The following CCSER1 variants were observed in gnomAD, a reference collection of about 807,000 sequenced individuals.
The protein encoded by CCSER1 is serine-rich coiled-coil domain-containing protein 1.
CCSER1 carries 41 observed loss-of-function variants against 82.0 expected under a neutral mutation model. The ratio of observed to expected loss-of-function variants is 0.50; its 90% CI spans 0.39 to 0.65. The LOEUF (loss-of-function observed/expected upper bound fraction) is 0.65. Ranked by LOEUF, CCSER1 falls within the 30% of genes least tolerant of loss-of-function variation. CCSER1 has a pLI of 0.00. For synonymous variants in CCSER1, 414 were observed against 383.9 expected, an observed-to-expected ratio of 1.08 and a Z score of -0.92; for missense variants, 1,119 against 1,064.2, an observed-to-expected ratio of 1.05 and a Z score of -0.72.
At chr4:91,407,546 T>C (rs1044221524) in intron 10 of CCSER1, among the ~76,000 whole-genome samples, 1 of 151,620 alleles carries the variant, frequency 6.6e-6, no homozygotes, top group Non-Finnish European at 1.5e-5. Flanking sequence ...TGAAGCCAAG[T>C]AATTTATAAA....
At chr4:91,354,156 G>A (rs1036668715) in intron 10 of CCSER1, among the ~76,000 whole-genome samples, 5 of 152,192 alleles carry the variant, frequency 3.3e-5, no homozygotes, top group Admixed American at 2.0e-4. Context: ...GTATGATTCA[G>A]TTGAGCATGT....
intron 4 of CCSER1, among the ~76,000 whole-genome samples, chr4:90,410,306 AC>A (rs1754509180): frequency 1.3e-5 from 2 of 152,258 alleles, no homozygotes; most frequent in South Asian, 4.1e-4. Flanking sequence ...AGAACTCTCC[AC>A]CCCAAATCAA....
At chr4:91,200,566 G>A (rs62310735) in intron 10 of CCSER1, among the ~76,000 whole-genome samples, 8,227 of 152,006 alleles carry the variant, frequency 0.054, 438 homozygotes, top group African/African-American at 0.14. Flanking sequence ...ATTAAAAATT[G>A]TTACTGAAAA....
intron 7 of CCSER1, among the ~76,000 whole-genome samples, chr4:90,790,029 A>G (rs550896978): frequency 1.3e-5 from 2 of 151,466 alleles, no homozygotes; most frequent in Non-Finnish European, 2.9e-5. Context: ...GTTATTCTTG[A>G]CTCTCCCTTC....
chr4:90,841,596 AAAG>A (rs1182842126), intron 8 of CCSER1, among the ~76,000 whole-genome samples: 9 of 151,444 alleles, frequency 5.9e-5, no homozygotes, highest in East Asian at 5.8e-4. Context: ...AAAAAAAAAA[AAAG>A]AAGAAGAAGA....
intron 7 of CCSER1, among the ~76,000 whole-genome samples, chr4:90,786,980 C>T (rs1280797409): frequency 6.6e-6 from 1 of 152,178 alleles, no homozygotes; most frequent in Non-Finnish European, 1.5e-5. Context: ...CAGGGAATCA[C>T]TAACTTAATT....
At chr4:90,866,611 T>G (rs1309575337) in intron 8 of CCSER1, among the ~76,000 whole-genome samples, 2 of 152,104 alleles carry the variant, frequency 1.3e-5, no homozygotes, top group Non-Finnish European at 2.9e-5. Context: ...TTTTCTTGTG[T>G]GTAGCAAGGC....
At chr4:91,538,710 T>TATATATATATTATATATATATATATAA in intron 10 of CCSER1, among the ~76,000 whole-genome samples, 1 of 28,342 alleles carries the variant, frequency 3.5e-5, no homozygotes, top group Admixed American at 2.7e-4. Context: ...TATATATATA[T>TATATATATATTATATATATATATATAA]AATATCTCAG....
intron 10 of CCSER1, among the ~76,000 whole-genome samples, chr4:91,111,910 C>T (rs1374884454): frequency 1.3e-5 from 2 of 149,962 alleles, no homozygotes; most frequent in Non-Finnish European, 3.0e-5. Context: ...AATGGAAAAG[C>T]TGTCCATTTT....
At chr4:90,134,403 G>T (rs1723310520) in intron 1 of CCSER1, among the ~76,000 whole-genome samples, 1 of 152,144 alleles carries the variant, frequency 6.6e-6, no homozygotes, top group South Asian at 2.1e-4. Context: ...GGAGATGGAG[G>T]ACCTGCAAGG....
intron 10 of CCSER1, among the ~76,000 whole-genome samples, chr4:91,125,302 A>T (rs1727418409): frequency 6.6e-6 from 1 of 151,688 alleles, no homozygotes; most frequent in South Asian, 2.1e-4. Flanking sequence ...TTAACAGTAA[A>T]ATCTAATATA....
intron 10 of CCSER1, among the ~76,000 whole-genome samples, chr4:91,285,911 TC>T (rs1265450010): frequency 6.6e-6 from 1 of 151,752 alleles, no homozygotes; most frequent in Non-Finnish European, 1.5e-5. Context: ...CTCCCCTACT[TC>T]CTGTGAATAC....
chr4:90,780,293 TAA>T, intron 7 of CCSER1: 5 of 839,290 alleles, frequency 6.0e-6, no homozygotes, highest in Non-Finnish European at 9.2e-6. Context: ...CCTAAAAAAG[TAA>T]GTCTAAACAT....
chr4:90,466,228 A>G (rs1291529461), intron 4 of CCSER1, among the ~76,000 whole-genome samples: 2 of 152,248 alleles, frequency 1.3e-5, no homozygotes, highest in Non-Finnish European at 2.9e-5. Flanking sequence ...GCCCTTTAAA[A>G]GCAGAAAGAA....
chr4:91,064,954 AT>A (rs199499930), intron 9 of CCSER1, among the ~76,000 whole-genome samples: 22 of 150,474 alleles, frequency 1.5e-4, no homozygotes, highest in Admixed American at 4.0e-4. Context: ...TAGGTTTTCA[AT>A]TTTTTTTTTC....
chr4:90,339,342 T>G (rs552428750), intron 3 of CCSER1, among the ~76,000 whole-genome samples: 1 of 152,244 alleles, frequency 6.6e-6, no homozygotes, highest in South Asian at 2.1e-4. Context: ...GCTGCTCCCC[T>G]ACTTTTGGTT....
At chr4:90,754,734 A>G (rs910065707) in intron 7 of CCSER1, among the ~76,000 whole-genome samples, 2 of 152,222 alleles carry the variant, frequency 1.3e-5, no homozygotes, top group African/African-American at 4.8e-5. Flanking sequence ...TAGCATTTTT[A>G]GTACTTTGTT....
intron 1 of CCSER1, among the ~76,000 whole-genome samples, chr4:90,191,484 AG>A (rs1026634944): frequency 3.9e-5 from 6 of 152,138 alleles, no homozygotes; most frequent in Admixed American, 3.9e-4. Context: ...AGAAGTGGAA[AG>A]GCTAGGGAGA....
intron 5 of CCSER1, among the ~76,000 whole-genome samples, chr4:90,472,333 A>T (rs2153591333): frequency 6.6e-6 from 1 of 152,310 alleles, no homozygotes; most frequent in Non-Finnish European, 1.5e-5. Flanking sequence ...TATTTGTATT[A>T]TCTAACCAAT....
Sources: allele counts gnomAD v4.1 joint callset (sites outside exome capture counted in the v4.1 genomes callset), GRCh38; gene constraint gnomAD v4.1.1; transcripts MANE v1.5; gene names NCBI Gene and HGNC (gene_info 2026-07-23, HGNC 2026-07-21).